SORCS1: variants seen among roughly 807,000 people sequenced by gnomAD.
The protein encoded by SORCS1 is sortilin related VPS10 domain containing receptor 1.
A neutral mutation model predicts 146.1 loss-of-function variants in SORCS1; 60 were observed. The observed-to-expected ratio is 0.41, with a 90% CI of 0.33 to 0.51. The LOEUF is 0.51. Ranked by LOEUF, SORCS1 falls within the 20% of genes least tolerant of loss-of-function variation. The pLI, the probability that SORCS1 is intolerant of heterozygous loss-of-function variation, is 0.21. For missense variants in SORCS1, 1,352 were observed against 1,487.6 expected, an observed-to-expected ratio of 0.91 and a Z score of 1.50; for synonymous variants, 637 against 584.0, an observed-to-expected ratio of 1.09 and a Z score of -1.31.
At chr10:106,839,374 T>C (rs1333300048) in intron 2 of SORCS1, among the ~76,000 whole-genome samples, 1 of 152,192 alleles carries the variant, frequency 6.6e-6, no homozygotes, top group Non-Finnish European at 1.5e-5. Context: ...TCAAACCAGC[T>C]ACAACATTTC....
At chr10:106,813,807 CA>C (rs1225222667) in intron 3 of SORCS1, among the ~76,000 whole-genome samples, 1 of 152,044 alleles carries the variant, frequency 6.6e-6, no homozygotes. Flanking sequence ...GCAGAGGGGA[CA>C]GTGGGCGGTG....
chr10:106,708,725 C>T (rs2788677), intron 7 of SORCS1, among the ~76,000 whole-genome samples: 60,488 of 152,030 alleles, frequency 0.4, 14,700 homozygotes, highest in Admixed American at 0.55. Context: ...ATTACTCTCC[C>T]CCTGGCCTCT....
intron 2 of SORCS1, among the ~76,000 whole-genome samples, chr10:106,872,461 T>C (rs1270044644): frequency 1.3e-5 from 2 of 152,190 alleles, no homozygotes; most frequent in Non-Finnish European, 2.9e-5. Flanking sequence ...TTGCAGACCA[T>C]GTGAAGTCAG....
chr10:106,710,081 T>TCTAA (rs1296182307), intron 6 of SORCS1, among the ~76,000 whole-genome samples: 2 of 152,226 alleles, frequency 1.3e-5, no homozygotes, highest in Non-Finnish European at 2.9e-5. Context: ...TCATTCATCA[T>TCTAA]CTAATGATAA....
intron 23 of SORCS1, among the ~76,000 whole-genome samples, chr10:106,606,272 T>TACACACACACAC (rs1278722607): frequency 1.8e-4 from 19 of 107,840 alleles, no homozygotes; most frequent in African/African-American, 5.3e-4. Context: ...CACACACAGA[T>TACACACACACAC]ATACACACAC....
rs182059926 is a variant in SORCS1, at chr10:106,674,102, G to A, written c.1940+947C>T. Among the ~76,000 whole-genome samples the A allele has an allele frequency of 3.0e-3, 451 of 149,564 alleles. 3 individuals are homozygous for A. Among genetic ancestry groups the A allele is most frequent in the Middle Eastern group, 0.021 (6 of 288 alleles). The stretch of plus-strand genomic sequence containing the variant: ...GAGGCCGAGGCAGGTGGATCACAAG[G>A]TCAGGAGATCGAGACCATCCTGGCT... On this transcript the variant is annotated intron_variant, in intron 14 of 25. Coordinates refer to ENST00000263054, the MANE Select transcript of SORCS1 (RefSeq NM_052918.5).
chr10:106,609,466 A>T (rs555812227), intron 22 of SORCS1, among the ~76,000 whole-genome samples: 2 of 152,340 alleles, frequency 1.3e-5, no homozygotes, highest in African/African-American at 4.8e-5. Flanking sequence ...TGTACCTCTC[A>T]TAGGGTTTAT....
chr10:107,055,972 C>T (rs979692047), intron 1 of SORCS1, among the ~76,000 whole-genome samples: 1 of 152,174 alleles, frequency 6.6e-6, no homozygotes, highest in Non-Finnish European at 1.5e-5. Flanking sequence ...TTTACAGACT[C>T]CCCTTTGGCA....
chr10:106,783,105 T>C (rs1000730597), intron 3 of SORCS1, among the ~76,000 whole-genome samples: 2 of 147,074 alleles, frequency 1.4e-5, no homozygotes, highest in Admixed American at 1.4e-4. Flanking sequence ...GAATACCTTA[T>C]AGCTCATTAA....
chr10:107,043,065 A>T (rs1289793745), intron 1 of SORCS1, among the ~76,000 whole-genome samples: 2 of 152,228 alleles, frequency 1.3e-5, no homozygotes, highest in African/African-American at 4.8e-5. Context: ...TCTGTCACCC[A>T]TTCAAATACA....
At chr10:106,840,737 A>G (rs1775305532) in intron 2 of SORCS1, among the ~76,000 whole-genome samples, 1 of 151,766 alleles carries the variant, frequency 6.6e-6, no homozygotes, top group South Asian at 2.1e-4. Flanking sequence ...AGAAATTGCC[A>G]GAGCCACCTT....
chr10:106,896,208 C>G (rs899192114), intron 2 of SORCS1, among the ~76,000 whole-genome samples: 3 of 152,008 alleles, frequency 2.0e-5, no homozygotes, highest in Non-Finnish European at 4.4e-5. Context: ...GCGGGTGGAT[C>G]ACCTGAAGTC....
chr10:107,125,645 G>A (rs1205176092), intron 1 of SORCS1, among the ~76,000 whole-genome samples: 1 of 152,200 alleles, frequency 6.6e-6, no homozygotes, highest in Non-Finnish European at 1.5e-5. Flanking sequence ...TGAAATAAGG[G>A]GGAAAACAGG....
chr10:106,679,726 G>A lies in SORCS1; in HGVS notation c.1569C>T (p.Cys523=). Residue 523 remains cysteine (C), a synonymous_variant, in exon 11 of 26, where the codon TGC becomes TGT. Transcript: ENST00000263054. ...GDPVHCLLPY[C]SLHLHLKVSE... is the part of the protein sequence containing the mutation. The stretch of plus-strand genomic sequence containing the variant: ...AGACCTTCAGGTGAAGGTGTAGTGA[G>A]CAATAGGGCTGAAAAGAGAAATAAT... The A allele has an allele frequency of 6.2e-7, 1 of 1,609,194 alleles. No homozygotes were observed. The highest frequency in any genetic ancestry group is 8.5e-7 in the Non-Finnish European group (1 of 1,177,158).
At chr10:107,160,185 A>G (rs1217921517) in intron 1 of SORCS1, among the ~76,000 whole-genome samples, 1 of 152,198 alleles carries the variant, frequency 6.6e-6, no homozygotes, top group Non-Finnish European at 1.5e-5. Flanking sequence ...TCAGAAATCA[A>G]CTCAAGATAG....
chr10:106,641,242 G>C (rs1849052830), intron 18 of SORCS1, among the ~76,000 whole-genome samples: 1 of 152,152 alleles, frequency 6.6e-6, no homozygotes, highest in African/African-American at 2.4e-5. Context: ...TTGTGTTATG[G>C]AGGTATTTCT....
chr10:106,863,697 G>C (rs1950113005), intron 2 of SORCS1, among the ~76,000 whole-genome samples: 2 of 149,144 alleles, frequency 1.3e-5, no homozygotes. Flanking sequence ...CACAAAATCT[G>C]GATGGTAGAG....
At position 106,610,622 on chromosome 10, in the gene SORCS1, T is replaced by C. The variant is rs144430014; in HGVS notation, c.3033+1289A>G. 7.5e-3 allele frequency among the ~76,000 whole-genome samples: 1,149 copies of C among 152,256 alleles called. 34 individuals carry two copies. The highest frequency in any genetic ancestry group is 0.018 in the East Asian group (93 of 5,150). ...CATCTTTTTGTGTCCTGTGGCACCA[T>C]GTGTTGGAAGCAGGAAAGAATGTTC... On this transcript the variant is annotated intron_variant, in intron 22 of 25. Transcript: ENST00000263054.
intron 2 of SORCS1, among the ~76,000 whole-genome samples, chr10:106,937,841 G>A (rs1953824160): frequency 6.6e-6 from 1 of 152,006 alleles, no homozygotes; most frequent in South Asian, 2.1e-4. Context: ...GCAGGTGCCT[G>A]TAATCCCCAC....
Sources: allele counts gnomAD v4.1 joint callset (sites outside exome capture counted in the v4.1 genomes callset), GRCh38; gene constraint gnomAD v4.1.1; transcripts MANE v1.5; gene names NCBI Gene and HGNC (gene_info 2026-07-23, HGNC 2026-07-21).